NOSIP: variants seen among roughly 807,000 people sequenced by gnomAD.
The protein encoded by NOSIP is nitric oxide synthase interacting protein.
Under a neutral mutation model 36.4 loss-of-function variants are expected in NOSIP, and 25 were observed. That is an observed-to-expected ratio of 0.69 (90% CI 0.50 to 0.96). The LOEUF (loss-of-function observed/expected upper bound fraction) is 0.96, where lower values mean the gene tolerates loss of function less well. Among genes scored for constraint, NOSIP ranks in the 40% least tolerant of loss-of-function variants. NOSIP has a pLI of 0.00. For missense variants in NOSIP, 370 were observed against 429.0 expected, an observed-to-expected ratio of 0.86 and a Z score of 1.21; for synonymous variants, 187 against 179.2, an observed-to-expected ratio of 1.04 and a Z score of -0.35.
At chr19:49,577,110 TAAG>T (rs1317469068) in intron 1 of NOSIP, among the ~76,000 whole-genome samples, 2 of 152,074 alleles carry the variant, frequency 1.3e-5, no homozygotes, top group African/African-American at 4.8e-5. Flanking sequence ...AGATAAATAA[TAAG>T]TGCTGGTGTG....
chr19:49,562,915 T>C (rs1184839872), intron 1 of NOSIP, among the ~76,000 whole-genome samples: 3 of 152,070 alleles, frequency 2.0e-5, no homozygotes, highest in African/African-American at 7.2e-5. Context: ...CTAGTAACAT[T>C]ATATACTTGT....
rs542920248 is a variant in NOSIP at position 49,559,456 on chromosome 19, G to C, written c.176+478C>G. 1.7e-5 allele frequency: 3 copies of C among 180,948 alleles called. No homozygotes were observed. In the South Asian group the frequency reaches 3.0e-4, roughly 18 times the overall value. 11.2% of individuals were successfully genotyped at this position (180,948 alleles called of 1,614,324 possible). The stretch of plus-strand genomic sequence containing the variant: ...TCACCTGAGCCTGGGATATCAGTGA[G>C]CCAAGATGTCCCCATTGCACTCCAG... On this transcript the variant is annotated intron_variant, in intron 3 of 8. Transcript: ENST00000596358.
At chr19:49,559,888 C>T in intron 3 of NOSIP, 46 bp downstream of exon 3, 1 of 1,452,646 alleles carries the variant, frequency 6.9e-7, no homozygotes, top group African/African-American at 1.4e-5. Context: ...CTGGCGGTTC[C>T]CTTGCTCTCC....
At position 49,560,386 on chromosome 19, in the gene NOSIP, A is replaced by AGTTT; in HGVS notation, c.70+235_70+236insAAAC. ...CTCTGGAACATGGGGTAACAAGAGC[A>AGTTT]CCCTCCCTGACACTCTGTTGGGAGG... On this transcript the variant is annotated intron_variant, in intron 2 of 8. Transcript: ENST00000596358. This position sits in a 1 kb window ranked among gnomAD's most constrained non-coding sequence, Gnocchi z 4.6. The AGTTT allele has an allele frequency of 1.7e-6, 1 of 584,216 alleles. No individual in the cohort carries two copies. The highest frequency in any genetic ancestry group is 3.1e-6 in the Non-Finnish European group (1 of 327,088). 36.2% of individuals were successfully genotyped at this position (584,216 alleles called of 1,614,324 possible). A position where few individuals can be genotyped will look rare whatever the true frequency, so the allele number is the denominator to read the frequency against.
At chr19:49,580,208 G>A (rs754099438) in intron 1 of NOSIP, among the ~76,000 whole-genome samples, 2 of 151,600 alleles carry the variant, frequency 1.3e-5, no homozygotes, top group Non-Finnish European at 2.9e-5. Flanking sequence ...GGGACCACCA[G>A]CAAATAGCCA....
At chr19:49,578,882 C>T (rs910540206) in intron 1 of NOSIP, among the ~76,000 whole-genome samples, 3 of 151,460 alleles carry the variant, frequency 2.0e-5, no homozygotes, top group Non-Finnish European at 2.9e-5. Flanking sequence ...CTTGGCCTCC[C>T]AAAGTGCTGG....
At chr19:49,559,810 G>A in intron 3 of NOSIP, 124 bp downstream of exon 3, 1 of 709,458 alleles carries the variant, frequency 1.4e-6, no homozygotes, top group South Asian at 1.5e-5. Context: ...CAGAGGCTCT[G>A]AGGATAAACT....
At position 49,555,646 on chromosome 19, in the gene NOSIP, C is replaced by T. The variant is rs189918179; in HGVS notation, c.*105G>A. 2.5e-5 allele frequency: 22 copies of T among 880,634 alleles called. No homozygotes were observed. Among genetic ancestry groups the T allele is most frequent in the Non-Finnish European group, 3.3e-5 (18 of 540,062 alleles). The allele number at this position is 880,634 out of a possible 1,614,324, so 54.6% of individuals were successfully genotyped here. Reference sequence around the variant, plus strand: ...GTGCGCTGTAGGAGCACTGTTTGCACGGCCCTGCATCCTCGCCTGCCCTGT... The same window carrying T: ...GTGCGCTGTAGGAGCACTGTTTGCATGGCCCTGCATCCTCGCCTGCCCTGT... On this transcript the variant is annotated 3_prime_UTR_variant, in exon 9 of 9. Transcript: ENST00000596358.
chr19:49,558,916 T>G lies in NOSIP; in HGVS notation c.239A>C (p.Glu80Ala), dbSNP rs767023635. ...ILEYILHQKK[E>A]IARQMKAYEK... ...CATCACCTTCATCTGCCGGGCAATC[T>G]CCTTCTTCTGGTGCAGAATGTACTC... Residue 80 changes from glutamate to alanine, a missense_variant, in exon 4 of 9, where the codon GAG becomes GCG. Glu to Ala is a moderately radical substitution (Grantham distance 107, BLOSUM62 -1). Transcript: ENST00000596358. The G allele has an allele frequency of 1.3e-5, 21 of 1,613,930 alleles. No homozygotes were observed. The highest frequency in any genetic ancestry group is 5.3e-5 in the African/African-American group (4 of 74,890).
At position 49,560,674 on chromosome 19, in the gene NOSIP, C is replaced by A; in HGVS notation, c.18G>T (p.Lys6Asn). The stretch of plus-strand genomic sequence containing the variant: ...TGTAGACGGCCCCTGCGGTGCAGTT[C>A]TTGCCATGCCGCGTCATCCTAGGGA... MTRHG[K>N]NCTAGAVYTY... The change falls in exon 2 of 9, where the codon AAG becomes AAT. Residue 6 changes from lysine (K) to asparagine (N), a missense_variant. Physicochemically the swap from Lys to Asn is moderately conservative, Grantham distance 94. Around this residue, in one of 3 missense-constraint regions of NOSIP, gnomAD observed 37 missense variants for 60.2 expected, o/e 0.61. Transcript: ENST00000596358. This position sits in a 1 kb window ranked among gnomAD's most constrained non-coding sequence, Gnocchi z 4.6. The A allele has an allele frequency of 6.3e-7, 1 of 1,594,972 alleles. No homozygotes were observed.
rs749491556 is a variant in NOSIP at position 49,556,570 on chromosome 19, G to C, written c.704C>G (p.Pro235Arg). ...TCACGAGGGCCGCAGCACAGCGCAG[G>C]GGGTGGCGTTGCTCAGGCTGTCGCG... ...VTRDSLSNAT[P>R]CAVLRPSGAV... Residue 235 changes from proline (P) to arginine (R), a missense_variant, in exon 7 of 9, where the codon CCC becomes CGC. Pro to Arg is a moderately radical substitution (Grantham distance 103). Transcript: ENST00000596358. The C allele has an allele frequency of 1.9e-6, 3 of 1,606,002 alleles. No individual in the cohort carries two copies. The highest frequency in any genetic ancestry group is 8.5e-7 in the Non-Finnish European group (1 of 1,179,174).
Position 49,574,862 on chromosome 19 carries a change from A to AT in NOSIP, c.-2+5652dup, listed in dbSNP as rs1257395416. Among the ~76,000 whole-genome samples the AT allele has an allele frequency of 7.8e-3, 1,063 of 136,166 alleles. 4 individuals are homozygous for AT. The highest frequency in any genetic ancestry group is 0.014 in the Admixed American group (191 of 13,412). 89.3% of individuals were successfully genotyped at this position (136,166 alleles called of 152,430 possible). A position where few individuals can be genotyped will look rare whatever the true frequency, so the allele number is the denominator to read the frequency against. ...AGGCGTCCACCACCATGCCTGGCTAATTTTTTTTTTTTTTTTTTGAGACGG... is the reference window on the plus strand; with the variant it reads ...AGGCGTCCACCACCATGCCTGGCTAATTTTTTTTTTTTTTTTTTTGAGACGG... On this transcript the variant is annotated intron_variant, in intron 1 of 8. Coordinates refer to ENST00000596358, the MANE Select transcript of NOSIP (RefSeq NM_001270960.2).
intron 3 of NOSIP, 67 bp from the exon 4 acceptor site, chr19:49,559,045 G>A (rs1399726016): frequency 7.8e-7 from 1 of 1,275,196 alleles, no homozygotes; most frequent in African/African-American, 1.5e-5. Context: ...CCGAAGTGCT[G>A]GGATTATAGG....
chr19:49,565,331 A>ACAGGT (rs2080392284), intron 1 of NOSIP, among the ~76,000 whole-genome samples: 1 of 151,244 alleles, frequency 6.6e-6, no homozygotes, highest in Non-Finnish European at 1.5e-5. Flanking sequence ...TAGGAGGGGC[A>ACAGGT]CAGGTAGCAT....
chr19:49,571,784 A>G (rs1296343641), intron 1 of NOSIP, among the ~76,000 whole-genome samples: 1 of 152,078 alleles, frequency 6.6e-6, no homozygotes, highest in African/African-American at 2.4e-5. Flanking sequence ...CAAGATGTTG[A>G]GACCATCCAG....
At chr19:49,556,486 C>T (rs1289751875) in intron 7 of NOSIP, 61 bp from the exon 8 acceptor site, 1 of 1,609,206 alleles carries the variant, frequency 6.2e-7, no homozygotes, top group East Asian at 2.2e-5. Context: ...CCTACTGGCC[C>T]CAAAGCCGGA....
In NOSIP at chr19:49,558,967, T is replaced by C. The variant is rs753806135; in HGVS notation, c.188A>G (p.Tyr63Cys). 1 of 1,613,514 alleles carries C rather than the reference T, an allele frequency of 6.2e-7. No homozygotes were observed. Among genetic ancestry groups the C allele is most frequent in the Non-Finnish European group, 8.5e-7 (1 of 1,179,714 alleles). Residue 63 changes from tyrosine (Y) to cysteine (C), a missense_variant, in exon 4 of 9, where the codon TAC (tyrosine) becomes TGC (cysteine). This residue lies in a region of NOSIP where 315 missense variants were observed against 331.9 expected (regional missense o/e 0.95). Transcript: ENST00000596358. ...CHDPVVTPDG[Y>C]LYEREAILEY... is the part of the protein sequence containing the mutation. ...CAGGATGGCCTCACGCTCATACAGGTAGCCATCTGGGCTGCAAAGACAGGG... is the reference window on the plus strand; with the variant it reads ...CAGGATGGCCTCACGCTCATACAGGCAGCCATCTGGGCTGCAAAGACAGGG...
intron 1 of NOSIP, among the ~76,000 whole-genome samples, chr19:49,569,004 C>T (rs1258202783): frequency 1.3e-5 from 2 of 151,064 alleles, no homozygotes; most frequent in East Asian, 2.0e-4. Context: ...GCTTTCACCA[C>T]GTTGGTCACG....
intron 1 of NOSIP, among the ~76,000 whole-genome samples, chr19:49,561,556 C>T (rs1289285646): frequency 2.0e-5 from 3 of 152,108 alleles, no homozygotes; most frequent in East Asian, 1.9e-4. Context: ...TTTATTGAGA[C>T]ACAATTCACA....
Sources: allele counts gnomAD v4.1 joint callset (sites outside exome capture counted in the v4.1 genomes callset), GRCh38; gene constraint gnomAD v4.1.1; regional missense constraint gnomAD v4.1.1; non-coding constraint Gnocchi (gnomAD v3.1); transcripts MANE v1.5; gene names NCBI Gene and HGNC (gene_info 2026-07-23, HGNC 2026-07-21).